PARD3B: variants seen among roughly 807,000 people sequenced by gnomAD.
The protein encoded by PARD3B is partitioning defective 3 homolog B.
Under a neutral mutation model 130.2 loss-of-function variants are expected in PARD3B, and 103 were observed. That is an observed-to-expected ratio of 0.79 (90% CI 0.67 to 0.93). The LOEUF (loss-of-function observed/expected upper bound fraction) is 0.93. Among genes scored for constraint, PARD3B ranks in the 40% least tolerant of loss-of-function variants. PARD3B has a pLI of 0.00. For synonymous variants in PARD3B, 583 were observed against 553.2 expected (o/e 1.05, Z -0.76); for missense variants, 1,609 against 1,499.2 (o/e 1.07, Z -1.21).
intron 19 of PARD3B, among the ~76,000 whole-genome samples, chr2:205,401,515 G>A (rs949203613): frequency 2.0e-5 from 3 of 151,872 alleles, no homozygotes; most frequent in South Asian, 2.1e-4. Context: ...TTTATTCTGC[G>A]CAATCCGTTT....
At chr2:204,918,059 TA>T (rs972847734) in intron 2 of PARD3B, among the ~76,000 whole-genome samples, 32 of 152,344 alleles carry the variant, frequency 2.1e-4, no homozygotes, top group African/African-American at 7.7e-4. Flanking sequence ...GATATATTCT[TA>T]TTAAGTTTTG....
chr2:205,113,481 T>C lies in PARD3B; in HGVS notation c.594-10T>C. On this transcript the variant is annotated splice_polypyrimidine_tract_variant and intron_variant, in intron 5 of 22. Coordinates refer to ENST00000406610, the MANE Select transcript of PARD3B (RefSeq NM_001302769.2). ...ACACTCATTTGTGCTCTTGTTTTTT[T>C]CTGCCCCAGTGATATGACAAGAACA... 1 of 1,608,988 alleles carries C rather than the reference T, an allele frequency of 6.2e-7. No individual in the cohort carries two copies. Among genetic ancestry groups the C allele is most frequent in the South Asian group, 1.1e-5 (1 of 90,662 alleles).
At chr2:204,816,212 C>T (rs1169925043) in intron 2 of PARD3B, among the ~76,000 whole-genome samples, 3 of 151,880 alleles carry the variant, frequency 2.0e-5, no homozygotes, top group South Asian at 2.1e-4. Context: ...CTATTGTTGT[C>T]GTACGTATTA....
chr2:205,044,654 T>G (rs1698640776), intron 3 of PARD3B, among the ~76,000 whole-genome samples: 1 of 152,186 alleles, frequency 6.6e-6, no homozygotes, highest in South Asian at 2.1e-4. Flanking sequence ...GATGGGGTTG[T>G]TTTTTTCTTG....
intron 2 of PARD3B, among the ~76,000 whole-genome samples, chr2:204,950,987 A>G (rs1333115913): frequency 6.6e-6 from 1 of 152,124 alleles, no homozygotes; most frequent in Non-Finnish European, 1.5e-5. Flanking sequence ...GGGACTAGAG[A>G]TTTTATATCC....
In PARD3B at chr2:204,913,816, A is replaced by G. The variant is rs1201123982; in HGVS notation, c.223-51336A>G. ...ATGTGTATTATTTTCTCAAATGGTT[A>G]CTAAGTTGTTAAGACAGAAATAATT... On this transcript the variant is annotated intron_variant, in intron 2 of 22. Transcript: ENST00000406610. Among the ~76,000 whole-genome samples the G allele has an allele frequency of 2.0e-5, 3 of 152,226 alleles. No homozygotes were observed. The South Asian group carries it at 6.2e-4, about 32-fold the overall frequency.
chr2:205,037,676 ACT>A (rs1491211586), intron 3 of PARD3B, among the ~76,000 whole-genome samples: 1 of 117,708 alleles, frequency 8.5e-6, no homozygotes, highest in Non-Finnish European at 1.9e-5. Flanking sequence ...TATATAGTGG[ACT>A]ATATATATAT....
intron 2 of PARD3B, among the ~76,000 whole-genome samples, chr2:204,699,243 C>T (rs2037766045): frequency 1.3e-5 from 2 of 152,074 alleles, no homozygotes; most frequent in South Asian, 4.1e-4. Flanking sequence ...CTAAATGGGG[C>T]AGACTGGGGA....
rs1429015348 is a variant in PARD3B, at chr2:205,288,821, A to T, written c.2186-11709A>T. Among the ~76,000 whole-genome samples the T allele has an allele frequency of 6.6e-6, 1 of 152,198 alleles. No individual in the cohort carries two copies. Among genetic ancestry groups the T allele is most frequent in the Non-Finnish European group, 1.5e-5 (1 of 68,042 alleles). Reference sequence around the variant, plus strand: ...CAAGGATATGACCCACATCATGCATAAAGTCTTACTCAGTGACTTAAAGTC... The same window carrying T: ...CAAGGATATGACCCACATCATGCATTAAGTCTTACTCAGTGACTTAAAGTC... On this transcript the variant is annotated intron_variant, in intron 16 of 22. Coordinates refer to ENST00000406610, the MANE Select transcript of PARD3B (RefSeq NM_001302769.2). This position sits in a 1 kb window ranked among gnomAD's most constrained non-coding sequence, Gnocchi z 4.0.
At chr2:205,194,510 A>G (rs1248155147) in intron 15 of PARD3B, among the ~76,000 whole-genome samples, 2 of 152,238 alleles carry the variant, frequency 1.3e-5, no homozygotes, top group Non-Finnish European at 2.9e-5. Context: ...TTTAAAGAGC[A>G]GTTCATTTTC....
At position 205,117,915 on chromosome 2, in the gene PARD3B, G is replaced by GTACACACACACACACACACACACA. The variant is rs1553617387; in HGVS notation, c.681-984_681-983insCATACACACACACACACACACACA. The stretch of plus-strand genomic sequence containing the variant: ...GTAACAGAATTGTGTATGTATGTGT[G>GTACACACACACACACACACACACA]TACACACACACACACACACACATAC... On this transcript the variant is annotated intron_variant, in intron 6 of 22. Coordinates refer to ENST00000406610, the MANE Select transcript of PARD3B (RefSeq NM_001302769.2). 7.5e-3 allele frequency among the ~76,000 whole-genome samples: 1,001 copies of GTACACACACACACACACACACACA among 133,586 alleles called. 12 individuals carry two copies. Among genetic ancestry groups the GTACACACACACACACACACACACA allele is most frequent in the Non-Finnish European group, 8.4e-3 (522 of 62,336 alleles). The allele number at this position is 133,586 out of a possible 152,430, so 87.6% of individuals were successfully genotyped here. A position where few individuals can be genotyped will look rare whatever the true frequency, so the allele number is the denominator to read the frequency against.
At chr2:204,963,342 TTC>T (rs1379628087) in intron 2 of PARD3B, among the ~76,000 whole-genome samples, 2 of 152,190 alleles carry the variant, frequency 1.3e-5, no homozygotes, top group Middle Eastern at 6.3e-3. Flanking sequence ...TGTATTATAC[TTC>T]TAGTTGATGT....
At chr2:205,524,621 T>C (rs1193262647) in intron 21 of PARD3B, among the ~76,000 whole-genome samples, 1 of 152,148 alleles carries the variant, frequency 6.6e-6, no homozygotes, top group African/African-American at 2.4e-5. Flanking sequence ...GCACTTTCTA[T>C]CTTTTAGATT....
At chr2:204,741,716 G>T (rs2040016599) in intron 2 of PARD3B, among the ~76,000 whole-genome samples, 1 of 152,014 alleles carries the variant, frequency 6.6e-6, no homozygotes, top group Non-Finnish European at 1.5e-5. Context: ...CCGTAATTTG[G>T]CACTTTGTAG....
chr2:204,976,329 A>T (rs1692148223), intron 3 of PARD3B, among the ~76,000 whole-genome samples: 1 of 152,186 alleles, frequency 6.6e-6, no homozygotes, highest in Non-Finnish European at 1.5e-5. Context: ...GCAACTTACA[A>T]GCTGCATGAT....
At chr2:204,632,646 G>C (rs1012916111) in intron 1 of PARD3B, among the ~76,000 whole-genome samples, 2 of 152,124 alleles carry the variant, frequency 1.3e-5, no homozygotes, top group Non-Finnish European at 2.9e-5. Context: ...CCAAGGCCCT[G>C]GTGGCCAGGG....
At chr2:205,355,262 T>C (rs1333660267) in intron 18 of PARD3B, among the ~76,000 whole-genome samples, 1 of 152,228 alleles carries the variant, frequency 6.6e-6, no homozygotes, top group Non-Finnish European at 1.5e-5. Flanking sequence ...AATGAGGCTT[T>C]GCCAAATTTT....
chr2:205,383,223 G>C (rs2045546394), intron 18 of PARD3B, among the ~76,000 whole-genome samples: 1 of 151,846 alleles, frequency 6.6e-6, no homozygotes, highest in East Asian at 1.9e-4. Flanking sequence ...AGTTTATACT[G>C]ATACCTCCAA....
intron 2 of PARD3B, among the ~76,000 whole-genome samples, chr2:204,753,487 C>G (rs951480739): frequency 1.3e-5 from 2 of 152,014 alleles, no homozygotes; most frequent in African/African-American, 4.8e-5. Context: ...TTATCTGCAG[C>G]TTACTTAGAA....
Sources: gnomAD v4.1 joint callset for allele counts (sites outside exome capture counted in the v4.1 genomes callset) on GRCh38, gnomAD v4.1.1 for gene constraint, Gnocchi (gnomAD v3.1) non-coding constraint, MANE v1.5 for transcripts, NCBI Gene and HGNC (gene_info 2026-07-23, HGNC 2026-07-21) for gene names.